The following CDH4 variants were observed in gnomAD, a reference collection of about 807,000 sequenced individuals.
CDH4 encodes cadherin 4.
CDH4 carries 33 observed loss-of-function variants against 86.0 expected under a neutral mutation model. The observed-to-expected ratio is 0.38, with a 90% CI of 0.29 to 0.51. The LOEUF (loss-of-function observed/expected upper bound fraction) is 0.51. Ranked by LOEUF, CDH4 falls within the 20% of genes least tolerant of loss-of-function variation. The pLI, the probability that CDH4 is intolerant of heterozygous loss-of-function variation, is 0.86. For synonymous variants in CDH4, 555 were observed against 549.4 expected (o/e 1.01, Z -0.14); for missense variants, 1,114 against 1,307.4 (o/e 0.85, Z 2.28).
At chr20:61,304,915 G>A (rs529280961) in intron 2 of CDH4, among the ~76,000 whole-genome samples, 30 of 151,808 alleles carry the variant, frequency 2.0e-4, no homozygotes, top group South Asian at 8.3e-4. Context: ...GCAGTATGTT[G>A]CGTGTGTTGT....
At chr20:61,507,095 A>G (rs1054204583) in intron 2 of CDH4, among the ~76,000 whole-genome samples, 19 of 152,238 alleles carry the variant, frequency 1.2e-4, no homozygotes, top group Non-Finnish European at 2.6e-4. Flanking sequence ...AGTTTGCAAC[A>G]TGTGTGAGAT....
intron 2 of CDH4, among the ~76,000 whole-genome samples, chr20:61,581,691 C>G (rs998934146): frequency 6.6e-6 from 1 of 152,204 alleles, no homozygotes; most frequent in African/African-American, 2.4e-5. Flanking sequence ...CCAGGGTAAT[C>G]TCCCATCCCA....
chr20:61,869,201 TC>T (rs1300783853), intron 6 of CDH4, among the ~76,000 whole-genome samples: 8 of 152,188 alleles, frequency 5.3e-5, no homozygotes, highest in Non-Finnish European at 1.2e-4. Context: ...CTATATTGAT[TC>T]CCCTGTATTT....
At chr20:61,763,911 A>G (rs2088668555) in intron 3 of CDH4, among the ~76,000 whole-genome samples, 1 of 151,816 alleles carries the variant, frequency 6.6e-6, no homozygotes, top group Non-Finnish European at 1.5e-5. Context: ...TTTCCTTAAC[A>G]CTGTTTTTTT....
At chr20:61,727,149 C>G (rs1000688153) in intron 2 of CDH4, among the ~76,000 whole-genome samples, 4 of 151,966 alleles carry the variant, frequency 2.6e-5, no homozygotes, top group African/African-American at 9.7e-5. Flanking sequence ...CCATCATCAC[C>G]ATCAGAGTCA....
intron 2 of CDH4, among the ~76,000 whole-genome samples, chr20:61,318,609 T>G (rs2084490970): frequency 6.6e-6 from 1 of 152,194 alleles, no homozygotes; most frequent in African/African-American, 2.4e-5. Flanking sequence ...GAAGGCCTGG[T>G]TCGTGCCCAG....
chr20:61,859,383 A>G (rs949050080), intron 6 of CDH4, among the ~76,000 whole-genome samples: 1 of 152,262 alleles, frequency 6.6e-6, no homozygotes, highest in Middle Eastern at 3.4e-3. Context: ...TTTGCGAGCG[A>G]AAGTGTTTAA....
In CDH4 at chr20:61,361,539, A is replaced by G. The variant is rs567337597; in HGVS notation, c.169+106602A>G. 9.8e-5 allele frequency among the ~76,000 whole-genome samples: 15 copies of G among 152,300 alleles called. No individual in the cohort carries two copies. In the East Asian group the frequency reaches 2.9e-3, roughly 29 times the overall value. ...ACCTCTTTCTTCTAATCTGCAGAGCATCTGTCTACTGGCTTTGGTTCCGAA... is the reference window on the plus strand; with the variant it reads ...ACCTCTTTCTTCTAATCTGCAGAGCGTCTGTCTACTGGCTTTGGTTCCGAA... On this transcript the variant is annotated intron_variant, in intron 2 of 15. Coordinates refer to ENST00000614565, the MANE Select transcript of CDH4 (RefSeq NM_001794.5).
intron 2 of CDH4, among the ~76,000 whole-genome samples, chr20:61,358,892 C>T (rs565957130): frequency 1.3e-5 from 2 of 152,288 alleles, no homozygotes; most frequent in Non-Finnish European, 1.5e-5. Context: ...TCAGTTTCAG[C>T]CCAGGGTGAC....
At chr20:61,277,865 G>A (rs1038192484) in intron 2 of CDH4, among the ~76,000 whole-genome samples, 3 of 152,186 alleles carry the variant, frequency 2.0e-5, no homozygotes, top group Admixed American at 6.5e-5. Context: ...GCTCATGAGC[G>A]TTCTGATGGA....
chr20:61,895,373 G>A (rs1484904762), intron 8 of CDH4, among the ~76,000 whole-genome samples: 1 of 152,246 alleles, frequency 6.6e-6, no homozygotes, highest in Non-Finnish European at 1.5e-5. Context: ...CCTGCGTGTG[G>A]GACCCGCTTG....
intron 15 of CDH4, 151 bp downstream of exon 15, chr20:61,934,371 C>A: frequency 1.2e-6 from 1 of 801,588 alleles, no homozygotes; most frequent in Non-Finnish European, 1.9e-6. Context: ...TGCTCTGCCC[C>A]TCCAGCGGGG....
intron 2 of CDH4, among the ~76,000 whole-genome samples, chr20:61,546,089 T>C: frequency 3.6e-5 from 5 of 140,052 alleles, no homozygotes; most frequent in Admixed American, 7.2e-5. Context: ...TTCACACGTG[T>C]GTGTGTGGAG....
At chr20:61,415,135 T>C (rs2085139660) in intron 2 of CDH4, among the ~76,000 whole-genome samples, 1 of 152,122 alleles carries the variant, frequency 6.6e-6, no homozygotes, top group African/African-American at 2.4e-5. Flanking sequence ...CCAAGTGGGG[T>C]CCCCACACTA....
At chr20:61,402,443 G>A (rs6061318) in intron 2 of CDH4, among the ~76,000 whole-genome samples, 76,034 of 151,628 alleles carry the variant, frequency 0.5, 20,065 homozygotes, top group African/African-American at 0.67. Context: ...CACCCAGGCT[G>A]GAGTGCAGTG....
At chr20:61,715,878 C>T (rs2087947210) in intron 2 of CDH4, among the ~76,000 whole-genome samples, 1 of 152,250 alleles carries the variant, frequency 6.6e-6, no homozygotes, top group East Asian at 1.9e-4. Flanking sequence ...TTCTAACATG[C>T]TCTCAGCAGG....
At chr20:61,698,852 G>A (rs76201391) in intron 2 of CDH4, among the ~76,000 whole-genome samples, 18,756 of 152,298 alleles carry the variant, frequency 0.12, 1,486 homozygotes, top group Non-Finnish European at 0.18. Context: ...TCCGCCTGAT[G>A]TCGGGCTGCC....
Position 61,516,428 on chromosome 20 carries a change from A to G in CDH4, c.170-227135A>G, listed in dbSNP as rs959415531. On this transcript the variant is annotated intron_variant, in intron 2 of 15. Coordinates refer to ENST00000614565, the MANE Select transcript of CDH4 (RefSeq NM_001794.5). The surrounding 1 kb of genome is among the most constrained non-coding windows in gnomAD (Gnocchi z 4.0). The stretch of plus-strand genomic sequence containing the variant: ...TGTGCATCACCTCCGACTCCTCATC[A>G]CCAGATGCCGCTGCGGCTTCCATTT... 6.6e-6 allele frequency among the ~76,000 whole-genome samples: 1 copy of G among 151,914 alleles called. No individual in the cohort carries two copies. Among genetic ancestry groups the G allele is most frequent in the African/African-American group, 2.4e-5 (1 of 41,328 alleles).
chr20:61,836,704 A>G (rs1981896399), intron 4 of CDH4, among the ~76,000 whole-genome samples: 1 of 152,238 alleles, frequency 6.6e-6, no homozygotes, highest in Non-Finnish European at 1.5e-5. Flanking sequence ...TTGGCCCCAC[A>G]TTTGTCCAAT....
Sources: allele counts gnomAD v4.1 joint callset (sites outside exome capture counted in the v4.1 genomes callset), GRCh38; gene constraint gnomAD v4.1.1; non-coding constraint Gnocchi (gnomAD v3.1); transcripts MANE v1.5; gene names NCBI Gene and HGNC (gene_info 2026-07-23, HGNC 2026-07-21).